SPMIP11: variants seen among roughly 807,000 people sequenced by gnomAD.
The protein encoded by SPMIP11 is sperm microtubule inner protein 11.
the SPMIP11 span, among the ~76,000 whole-genome samples, chr12:48,731,300 G>C: frequency 4.6e-5 from 7 of 152,164 alleles, no homozygotes; most frequent in African/African-American, 1.7e-4. Context: ...ATACCATCCT[G>C]GCTAACACAG....
the SPMIP11 span, among the ~76,000 whole-genome samples, chr12:48,750,548 C>T: frequency 6.6e-6 from 1 of 152,122 alleles, no homozygotes; most frequent in Admixed American, 6.6e-5. Flanking sequence ...AAGGGTTTGA[C>T]CTTATGGACC....
chr12:48,769,093 G>A, the SPMIP11 span: 1 of 1,588,710 alleles, frequency 6.3e-7, no homozygotes, highest in Non-Finnish European at 8.6e-7. Context: ...GAGACTAGTG[G>A]ATGCTCCAGG....
At chr12:48,765,350 G>C in the SPMIP11 span, among the ~76,000 whole-genome samples, 1 of 152,100 alleles carries the variant, frequency 6.6e-6, no homozygotes, top group African/African-American at 2.4e-5. Flanking sequence ...TCCTGCATTA[G>C]CTCCCGAGTA....
chr12:48,750,871 T>G, the SPMIP11 span, among the ~76,000 whole-genome samples: 1 of 152,190 alleles, frequency 6.6e-6, no homozygotes, highest in African/African-American at 2.4e-5. Flanking sequence ...ATACATTCAC[T>G]CAAACTGCTT....
At chr12:48,742,617 C>T in the SPMIP11 span, among the ~76,000 whole-genome samples, 2 of 152,086 alleles carry the variant, frequency 1.3e-5, no homozygotes, top group Non-Finnish European at 1.5e-5. Flanking sequence ...GGCGCAGTGG[C>T]TCACACCTGT....
the SPMIP11 span, among the ~76,000 whole-genome samples, chr12:48,729,882 C>T: frequency 6.6e-6 from 1 of 152,066 alleles, no homozygotes; most frequent in African/African-American, 2.4e-5. Context: ...TATCCTTATA[C>T]AAGCCCTTCC....
the SPMIP11 span, among the ~76,000 whole-genome samples, chr12:48,762,191 T>C: frequency 1.3e-5 from 2 of 148,884 alleles, no homozygotes; most frequent in African/African-American, 5.0e-5. Flanking sequence ...CCCGAGTAGC[T>C]GGGACTACAG....
At chr12:48,759,343 G>T in the SPMIP11 span, 1 of 702,706 alleles carries the variant, frequency 1.4e-6, no homozygotes, top group South Asian at 1.5e-5. Flanking sequence ...TAAGTACCTT[G>T]GGGTGGGCAT....
the SPMIP11 span, among the ~76,000 whole-genome samples, chr12:48,736,413 C>CAAAAAA: frequency 5.6e-5 from 4 of 71,818 alleles, no homozygotes; most frequent in Non-Finnish European, 8.0e-5. Context: ...GACTCTGTCT[C>CAAAAAA]AAAAAAAAAA....
At chr12:48,765,763 A>G in the SPMIP11 span, 6 of 684,224 alleles carry the variant, frequency 8.8e-6, no homozygotes, top group Non-Finnish European at 1.6e-5. Flanking sequence ...GGAGATGGAG[A>G]AAGCACAGTA....
chr12:48,765,951 T>C, the SPMIP11 span, among the ~76,000 whole-genome samples: 1 of 152,158 alleles, frequency 6.6e-6, no homozygotes, highest in Admixed American at 6.5e-5. Context: ...GCCGGCTTCA[T>C]GCATGGCAGG....
the SPMIP11 span, chr12:48,727,445 C>A: frequency 7.1e-6 from 5 of 702,052 alleles, no homozygotes; most frequent in Non-Finnish European, 1.3e-5. Context: ...AGTGCCCCAA[C>A]CTGGACGTTC....
At chr12:48,765,727 G>A in the SPMIP11 span, 3 of 700,196 alleles carry the variant, frequency 4.3e-6, no homozygotes, top group Admixed American at 6.0e-5. Context: ...AGGTTTCCCA[G>A]TTCCGATGGC....
At chr12:48,745,290 GA>G in the SPMIP11 span, among the ~76,000 whole-genome samples, 2 of 150,808 alleles carry the variant, frequency 1.3e-5, no homozygotes, top group Non-Finnish European at 3.0e-5. Flanking sequence ...AAAAAAAAAA[GA>G]GAATAAAAAG....
At chr12:48,763,348 A>AT in the SPMIP11 span, among the ~76,000 whole-genome samples, 5 of 151,776 alleles carry the variant, frequency 3.3e-5, no homozygotes, top group Admixed American at 6.6e-5. Flanking sequence ...TAATTTTTGT[A>AT]TTTTTTGTAG....
At chr12:48,735,831 C>T in the SPMIP11 span, among the ~76,000 whole-genome samples, 354 of 152,036 alleles carry the variant, frequency 2.3e-3, 1 homozygote, top group African/African-American at 8.0e-3. Context: ...TTGTAGTGAG[C>T]CAAGATCATG....
chr12:48,757,670 T>A, the SPMIP11 span, among the ~76,000 whole-genome samples: 4 of 143,428 alleles, frequency 2.8e-5, no homozygotes, highest in Non-Finnish European at 6.1e-5. Flanking sequence ...AAAAATAAAA[T>A]AAAATAAAAT....
the SPMIP11 span, among the ~76,000 whole-genome samples, chr12:48,747,099 G>A: frequency 3.3e-5 from 5 of 152,084 alleles, no homozygotes; most frequent in Non-Finnish European, 7.4e-5. Flanking sequence ...TGAAAGTGCC[G>A]TAATGAGGAG....
At chr12:48,740,847 A>G in the SPMIP11 span, among the ~76,000 whole-genome samples, 1 of 151,952 alleles carries the variant, frequency 6.6e-6, no homozygotes, top group Non-Finnish European at 1.5e-5. Flanking sequence ...AGATCACGCC[A>G]CTGCACTCCA....
Sources: gnomAD v4.1 joint callset for allele counts (sites outside exome capture counted in the v4.1 genomes callset) on GRCh38, gnomAD v4.1.1 for gene constraint, MANE v1.5 for transcripts, NCBI Gene and HGNC (gene_info 2026-07-23, HGNC 2026-07-21) for gene names.